Variants in KIF26B observed in about 807,000 individuals in gnomAD.
The protein encoded by KIF26B is kinesin family member 26B.
Under a neutral mutation model 151.2 loss-of-function variants are expected in KIF26B, and 63 were observed. That is an observed-to-expected ratio of 0.42 (90% CI 0.34 to 0.51). The LOEUF (loss-of-function observed/expected upper bound fraction) is 0.51. Ranked by LOEUF, KIF26B falls within the 20% of genes least tolerant of loss-of-function variation. The pLI, the probability that KIF26B is intolerant of heterozygous loss-of-function variation, is 0.07. For synonymous variants in KIF26B, 1,357 were observed against 1,262.1 expected (o/e 1.08, Z -1.59); for missense variants, 2,813 against 2,913.6 (o/e 0.97, Z 0.79).
At position 245,563,114 on chromosome 1, in the gene KIF26B, C is replaced by T. The variant is rs1558216213; in HGVS notation, c.1350+22164C>T. Among the ~76,000 whole-genome samples the T allele has an allele frequency of 1.3e-5, 2 of 152,158 alleles. No individual in the cohort carries two copies. Among genetic ancestry groups the T allele is most frequent in the African/African-American group, 4.8e-5 (2 of 41,434 alleles). On this transcript the variant is annotated intron_variant, in intron 5 of 14. Transcript: ENST00000407071. This position sits in a 1 kb window ranked among gnomAD's most constrained non-coding sequence, Gnocchi z 4.6. ...TGTTTGGGGAATGAATGTGAGGTCACTAGTCAATGATTCTGAAATGAGTCT... is the reference window on the plus strand; with the variant it reads ...TGTTTGGGGAATGAATGTGAGGTCATTAGTCAATGATTCTGAAATGAGTCT...
chr1:245,302,294 G>C (rs1258914310), intron 2 of KIF26B, among the ~76,000 whole-genome samples: 3 of 152,220 alleles, frequency 2.0e-5, no homozygotes, highest in Non-Finnish European at 4.4e-5. Context: ...ATGCCATAAG[G>C]AGTGTCAGCC....
intron 4 of KIF26B, among the ~76,000 whole-genome samples, chr1:245,484,733 CCTT>C (rs1660240412): frequency 6.8e-6 from 1 of 146,994 alleles, no homozygotes; most frequent in Non-Finnish European, 1.5e-5. Flanking sequence ...TCCTCCTCCT[CCTT>C]CTCCTCTTCC....
chr1:245,453,824 A>G (rs1324023444), intron 4 of KIF26B, among the ~76,000 whole-genome samples: 2 of 152,242 alleles, frequency 1.3e-5, no homozygotes, highest in Non-Finnish European at 1.5e-5. Flanking sequence ...TATGATCATT[A>G]AGTTAAAAAT....
At chr1:245,642,982 C>T (rs907425558) in intron 9 of KIF26B, among the ~76,000 whole-genome samples, 1 of 152,162 alleles carries the variant, frequency 6.6e-6, no homozygotes, top group Admixed American at 6.5e-5. Context: ...CTCTGCGGGT[C>T]TTAGCACAAA....
intron 4 of KIF26B, among the ~76,000 whole-genome samples, chr1:245,509,715 A>T (rs1322323458): frequency 3.9e-5 from 6 of 152,122 alleles, no homozygotes; most frequent in Non-Finnish European, 8.8e-5. Flanking sequence ...AGTGCAGATG[A>T]CTGGGACTCC....
At chr1:245,569,204 T>C (rs922183942) in intron 5 of KIF26B, among the ~76,000 whole-genome samples, 2 of 152,138 alleles carry the variant, frequency 1.3e-5, no homozygotes, top group Admixed American at 6.5e-5. Context: ...TCTCCTTCTT[T>C]CTCTTTGTTT....
At chr1:245,503,945 G>A (rs1468980049) in intron 4 of KIF26B, among the ~76,000 whole-genome samples, 2 of 152,176 alleles carry the variant, frequency 1.3e-5, no homozygotes, top group Non-Finnish European at 2.9e-5. Flanking sequence ...GTAGAAGATT[G>A]TTCTCTCCTG....
At chr1:245,276,606 C>T (rs1477720748) in intron 2 of KIF26B, among the ~76,000 whole-genome samples, 1 of 152,168 alleles carries the variant, frequency 6.6e-6, no homozygotes, top group African/African-American at 2.4e-5. Context: ...CTACTCTTCC[C>T]CGCTCCCGGG....
chr1:245,374,111 ATATATATATATATATATATATATATATG>A (rs1429560935), intron 3 of KIF26B, among the ~76,000 whole-genome samples: 5 of 61,010 alleles, frequency 8.2e-5, no homozygotes, highest in African/African-American at 3.4e-4. Flanking sequence ...ATATATATAT[ATATATATATATATATATATATATATATG>A]GGCACAAAAG....
At chr1:245,319,709 G>A (rs1389252992) in intron 2 of KIF26B, among the ~76,000 whole-genome samples, 4 of 152,126 alleles carry the variant, frequency 2.6e-5, no homozygotes, top group African/African-American at 4.8e-5. Context: ...TTCCCAGGGA[G>A]GTTTTATGTG....
chr1:245,497,633 C>A (rs948155035), intron 4 of KIF26B, among the ~76,000 whole-genome samples: 2 of 152,206 alleles, frequency 1.3e-5, no homozygotes, highest in Non-Finnish European at 1.5e-5. Flanking sequence ...ACTAACCACT[C>A]ACCCCTGAAG....
intron 3 of KIF26B, among the ~76,000 whole-genome samples, chr1:245,396,976 T>C (rs1305907296): frequency 2.0e-5 from 3 of 152,132 alleles, no homozygotes; most frequent in Non-Finnish European, 2.9e-5. Context: ...TTTTTTTTTT[T>C]TGGAAAGGGT....
intron 3 of KIF26B, among the ~76,000 whole-genome samples, chr1:245,393,918 C>T (rs1673760149): frequency 6.6e-6 from 1 of 152,146 alleles, no homozygotes; most frequent in Non-Finnish European, 1.5e-5. Flanking sequence ...TACAGTCACC[C>T]AGCTACCTGG....
intron 2 of KIF26B, among the ~76,000 whole-genome samples, chr1:245,179,014 T>C (rs961352205): frequency 6.6e-6 from 1 of 152,108 alleles, no homozygotes; most frequent in Admixed American, 6.6e-5. Context: ...TACTTTAAGC[T>C]GTATACAAAT....
intron 7 of KIF26B, 39 bp downstream of exon 7, chr1:245,607,783 C>G: frequency 6.7e-7 from 1 of 1,501,238 alleles, no homozygotes. Flanking sequence ...GCTCGTTGAG[C>G]TCCCTGTCAT....
At chr1:245,283,819 C>T (rs973951989) in intron 2 of KIF26B, among the ~76,000 whole-genome samples, 1 of 151,972 alleles carries the variant, frequency 6.6e-6, no homozygotes, top group African/African-American at 2.4e-5. Flanking sequence ...TCCGGAGTAG[C>T]TGGGACTACA....
intron 4 of KIF26B, chr1:245,510,956 G>A: frequency 1.6e-6 from 1 of 633,840 alleles, no homozygotes; most frequent in Non-Finnish European, 2.9e-6. Context: ...ATGGATTTTA[G>A]AATTTTCCAG....
chr1:245,339,629 CA>C (rs1672298742), intron 2 of KIF26B, among the ~76,000 whole-genome samples: 1 of 152,118 alleles, frequency 6.6e-6, no homozygotes, highest in Non-Finnish European at 1.5e-5. Context: ...ATTCATATAC[CA>C]TAAAATTGAC....
intron 2 of KIF26B, among the ~76,000 whole-genome samples, chr1:245,340,851 C>T (rs990949044): frequency 5.9e-5 from 9 of 151,990 alleles, no homozygotes; most frequent in East Asian, 5.8e-4. Context: ...TCTGAGGGTG[C>T]GACGTTTCAG....
Sources: allele counts gnomAD v4.1 joint callset (sites outside exome capture counted in the v4.1 genomes callset), GRCh38; gene constraint gnomAD v4.1.1; non-coding constraint Gnocchi (gnomAD v3.1); transcripts MANE v1.5; gene names NCBI Gene and HGNC (gene_info 2026-07-23, HGNC 2026-07-21).